RBFOX1: variants seen among roughly 807,000 people sequenced by gnomAD.
RBFOX1 encodes RNA binding protein fox-1 homolog 1.
A neutral mutation model predicts 57.7 loss-of-function variants in RBFOX1; 8 were observed. That is an observed-to-expected ratio of 0.14 (90% confidence interval 0.08 to 0.25). The LOEUF (loss-of-function observed/expected upper bound fraction) is 0.25. Ranked by LOEUF, RBFOX1 falls within the 10% of genes least tolerant of loss-of-function variation. The probability of loss-of-function intolerance (pLI) is 1.00; values close to 1 mark genes in which losing one functional copy is unlikely to be tolerated. For synonymous variants in RBFOX1, 326 were observed against 222.4 expected (o/e 1.47, Z -4.15); for missense variants, 611 against 548.5 (o/e 1.11, Z -1.14).
At chr16:6,696,607 G>A (rs1000864966) in intron 3 of RBFOX1, among the ~76,000 whole-genome samples, 6 of 152,002 alleles carry the variant, frequency 3.9e-5, no homozygotes, top group Admixed American at 1.3e-4. Flanking sequence ...TGATAATTAC[G>A]TCTCTTCATC....
At chr16:6,423,243 G>T (rs900309969) in intron 2 of RBFOX1, among the ~76,000 whole-genome samples, 1 of 152,162 alleles carries the variant, frequency 6.6e-6, no homozygotes. Context: ...TCGGCCTTCC[G>T]CAAGCTGCAG....
intron 2 of RBFOX1, among the ~76,000 whole-genome samples, chr16:6,484,071 C>G (rs979183212): frequency 2.0e-5 from 3 of 152,200 alleles, no homozygotes; most frequent in Non-Finnish European, 4.4e-5. Context: ...TCTTTACCCA[C>G]TGGAAGTTAG....
intron 4 of RBFOX1, among the ~76,000 whole-genome samples, chr16:5,878,653 G>T (rs3859169): frequency 2.0e-5 from 3 of 151,926 alleles, no homozygotes; most frequent in Non-Finnish European, 4.4e-5. Context: ...GCTTGACTTA[G>T]GGCTGATATC....
At chr16:5,796,355 G>C (rs112866728) in intron 3 of RBFOX1, among the ~76,000 whole-genome samples, 1 of 152,190 alleles carries the variant, frequency 6.6e-6, no homozygotes, top group East Asian at 1.9e-4. Context: ...AATCAGGAAT[G>C]AGTTGCTCAA....
intron 1 of RBFOX1, among the ~76,000 whole-genome samples, chr16:6,304,459 C>G (rs904150031): frequency 1.3e-5 from 2 of 152,074 alleles, no homozygotes; most frequent in South Asian, 2.1e-4. Flanking sequence ...TCCAAAGCTA[C>G]CTGGTATTGC....
chr16:6,330,541 C>G (rs969132271), intron 2 of RBFOX1, among the ~76,000 whole-genome samples: 58 of 152,260 alleles, frequency 3.8e-4, no homozygotes, highest in African/African-American at 7.2e-5. Context: ...ACTGGAATTG[C>G]TGTCTCACTA....
intron 1 of RBFOX1, among the ~76,000 whole-genome samples, chr16:6,066,293 C>CAAAAAAAAAAAAAAAAAAAAAA (rs372412356): frequency 6.0e-5 from 3 of 50,400 alleles, no homozygotes; most frequent in Admixed American, 3.0e-4. Context: ...GACTCTGTCT[C>CAAAAAAAAAAAAAAAAAAAAAA]AAAAAAAAAA....
chr16:7,543,580 C>G (rs535194372), intron 5 of RBFOX1, among the ~76,000 whole-genome samples: 3 of 151,948 alleles, frequency 2.0e-5, no homozygotes, highest in Admixed American at 6.6e-5. Flanking sequence ...TGAATCCAGT[C>G]TTAGGCATAT....
At chr16:7,270,913 C>T (rs1019304048) in intron 4 of RBFOX1, among the ~76,000 whole-genome samples, 3 of 152,028 alleles carry the variant, frequency 2.0e-5, no homozygotes, top group African/African-American at 7.3e-5. Context: ...ATCCCCTTTC[C>T]ATCATGGTTA....
intron 3 of RBFOX1, among the ~76,000 whole-genome samples, chr16:6,730,471 A>G (rs941456488): frequency 1.3e-4 from 20 of 152,104 alleles, no homozygotes; most frequent in African/African-American, 1.9e-4. Flanking sequence ...CTATCCATCT[A>G]TCTAATTACC....
At chr16:7,036,734 GAAA>G (rs869242850) in intron 3 of RBFOX1, among the ~76,000 whole-genome samples, 1 of 51,624 alleles carries the variant, frequency 1.9e-5, no homozygotes, top group Non-Finnish European at 7.9e-5. Context: ...AACAAACAAA[GAAA>G]AAAAAAAAGA....
At chr16:6,974,638 C>T (rs1268028946) in intron 3 of RBFOX1, among the ~76,000 whole-genome samples, 2 of 152,046 alleles carry the variant, frequency 1.3e-5, no homozygotes, top group Admixed American at 1.3e-4. Context: ...AGTCACTGCA[C>T]CTGGCCCATA....
intron 1 of RBFOX1, among the ~76,000 whole-genome samples, chr16:6,255,262 C>T (rs1320721740): frequency 6.6e-6 from 1 of 152,158 alleles, no homozygotes; most frequent in East Asian, 1.9e-4. Flanking sequence ...ACAGAGCCTC[C>T]ATTCCCAGGC....
intron 1 of RBFOX1, among the ~76,000 whole-genome samples, chr16:5,365,052 C>T (rs2065671959): frequency 6.6e-6 from 1 of 152,066 alleles, no homozygotes; most frequent in South Asian, 2.1e-4. Context: ...GAGGTGATTC[C>T]TCAGGGAGGG....
chr16:7,290,697 G>A (rs79744489), intron 4 of RBFOX1, among the ~76,000 whole-genome samples: 2 of 152,346 alleles, frequency 1.3e-5, no homozygotes, highest in East Asian at 3.9e-4. Context: ...AACATTAAGA[G>A]GGGAAAAATA....
intron 3 of RBFOX1, among the ~76,000 whole-genome samples, chr16:7,048,125 C>A (rs1423807533): frequency 1.3e-5 from 2 of 152,104 alleles, no homozygotes; most frequent in South Asian, 2.1e-4. Flanking sequence ...GTGATCCGAC[C>A]CGCTTGGCTT....
chr16:7,692,433 A>C (rs1328949018), intron 14 of RBFOX1, among the ~76,000 whole-genome samples: 1 of 152,098 alleles, frequency 6.6e-6, no homozygotes, highest in Non-Finnish European at 1.5e-5. Context: ...TTTGAACAAA[A>C]CCAATCATAC....
intron 1 of RBFOX1, among the ~76,000 whole-genome samples, chr16:6,233,891 A>G (rs780524881): frequency 5.9e-5 from 9 of 152,180 alleles, no homozygotes; most frequent in African/African-American, 1.7e-4. Context: ...TTGTGCTCCC[A>G]TAATAGAATA....
At chr16:6,942,652 G>A (rs1280152625) in intron 3 of RBFOX1, among the ~76,000 whole-genome samples, 1 of 152,186 alleles carries the variant, frequency 6.6e-6, no homozygotes, top group Non-Finnish European at 1.5e-5. Context: ...TGAGTGGACA[G>A]CGAGAAGGAT....
Sources: allele counts gnomAD v4.1 joint callset (sites outside exome capture counted in the v4.1 genomes callset), GRCh38; gene constraint gnomAD v4.1.1; transcripts MANE v1.5; gene names NCBI Gene and HGNC (gene_info 2026-07-23, HGNC 2026-07-21).